Variants in DNAI1 observed in about 807,000 individuals in gnomAD.
DNAI1 encodes dynein axonemal intermediate chain 1, also known as dynein, axonemal, intermediate polypeptide 1.
DNAI1 carries 67 observed loss-of-function variants against 92.0 expected under a neutral mutation model. That is an observed-to-expected ratio of 0.73 (90% CI 0.60 to 0.89). The LOEUF (loss-of-function observed/expected upper bound fraction) is 0.89, where lower values mean the gene tolerates loss of function less well. Among genes scored for constraint, DNAI1 ranks in the 40% least tolerant of loss-of-function variants. The pLI is 0.00. For synonymous variants in DNAI1, 323 were observed against 319.6 expected (o/e 1.01, Z -0.11); for missense variants, 839 against 866.6 (o/e 0.97, Z 0.40).
chr9:34,514,616 G>A (rs780480109), intron 17 of DNAI1, 24 bp from the exon 18 acceptor site: 6 of 1,614,072 alleles, frequency 3.7e-6, no homozygotes, highest in South Asian at 3.3e-5. Flanking sequence ...TGTGCCATGG[G>A]CTTTCCACCC....
chr9:34,511,125 G>A (rs1452519076), intron 13 of DNAI1, among the ~76,000 whole-genome samples: 1 of 152,228 alleles, frequency 6.6e-6, no homozygotes. Context: ...ACAGGACGGT[G>A]GTCCCAGCAT....
At chr9:34,471,539 G>A (rs1824134641) in intron 1 of DNAI1, among the ~76,000 whole-genome samples, 1 of 152,116 alleles carries the variant, frequency 6.6e-6, no homozygotes, top group Admixed American at 6.6e-5. Context: ...GGAGGCCGAG[G>A]TGGGCGGATC....
At chr9:34,518,965 C>A (rs925066148) in intron 19 of DNAI1, among the ~76,000 whole-genome samples, 1 of 150,638 alleles carries the variant, frequency 6.6e-6, no homozygotes, top group Non-Finnish European at 1.5e-5. Flanking sequence ...CCACTCTGAT[C>A]CAGGGAGGTA....
intron 13 of DNAI1, among the ~76,000 whole-genome samples, chr9:34,509,789 G>T (rs1031056887): frequency 6.6e-6 from 1 of 151,996 alleles, no homozygotes; most frequent in African/African-American, 2.4e-5. Context: ...ATGCTGCCTG[G>T]GTTTGAGGTG....
At chr9:34,481,692 T>C (rs150041585) in intron 1 of DNAI1, among the ~76,000 whole-genome samples, 260 of 152,326 alleles carry the variant, frequency 1.7e-3, no homozygotes, top group African/African-American at 5.9e-3. Flanking sequence ...GCTGCAGACC[T>C]TCACGGTGAG....
At chr9:34,478,617 T>A (rs1215419800) in intron 1 of DNAI1, 1 of 152,216 alleles carries the variant, frequency 6.6e-6, no homozygotes, top group Non-Finnish European at 1.5e-5. Context: ...AATGGAAAAA[T>A]GCTCTGCTGT....
chr9:34,461,075 C>T (rs1364517909), intron 1 of DNAI1, among the ~76,000 whole-genome samples: 1 of 152,128 alleles, frequency 6.6e-6, no homozygotes, highest in Admixed American at 6.5e-5. Context: ...ATCTCCTGAC[C>T]TCGTGATCTG....
intron 1 of DNAI1, among the ~76,000 whole-genome samples, chr9:34,467,603 C>T (rs1824062065): frequency 1.3e-5 from 2 of 152,102 alleles, no homozygotes. Context: ...CACTGCACTC[C>T]AGCATGGGCA....
In DNAI1 at chr9:34,458,834, G is replaced by C. The variant is rs927687791; in HGVS notation, c.-172G>C. The C allele has an allele frequency of 4.3e-6, 3 of 692,386 alleles. No individual in the cohort carries two copies. The African/African-American group carries it at 5.3e-5, about 12-fold the overall frequency. The allele number at this position is 692,386 out of a possible 1,614,324, so 42.9% of individuals were successfully genotyped here. A position where few individuals can be genotyped will look rare whatever the true frequency, so the allele number is the denominator to read the frequency against. ...GCTGGGTAACCGCGTCAGGGAGTTG[G>C]ATTCTATCCTGCAAGGGCACGGGGA... is the stretch of plus-strand genomic sequence containing the variant. On this transcript the variant is annotated 5_prime_UTR_variant, in exon 1 of 20. Transcript: ENST00000242317. This position sits in a 1 kb window ranked among gnomAD's most constrained non-coding sequence, Gnocchi z 6.6.
rs2132075849 is a variant in DNAI1, at chr9:34,505,533, C to T, written c.1064-1094C>T. 1.3e-5 allele frequency among the ~76,000 whole-genome samples: 2 copies of T among 152,264 alleles called. 1 individual carries two copies. The highest frequency in any genetic ancestry group is 3.9e-4 in the East Asian group (2 of 5,192). On this transcript the variant is annotated intron_variant, in intron 12 of 19. Transcript: ENST00000242317. ...CAGGCTCAGGGGATTAGGATATGGA[C>T]ATCTTTGCAGGGGGGCCTTATTCTG...
intron 9 of DNAI1, among the ~76,000 whole-genome samples, chr9:34,496,005 A>C (rs1348066844): frequency 6.6e-6 from 1 of 151,988 alleles, no homozygotes. Context: ...TGACTTCATA[A>C]CCCTTCGCTG....
chr9:34,490,501 C>T lies in DNAI1; in HGVS notation c.621+13C>T. 6.2e-7 allele frequency: 1 copy of T among 1,613,804 alleles called. No homozygotes were observed. Among genetic ancestry groups the T allele is most frequent in the Non-Finnish European group, 8.5e-7 (1 of 1,180,042 alleles). On this transcript the variant is annotated intron_variant, in intron 7 of 19. Transcript: ENST00000242317. ...CAACCCTGTCCGGGTAGAGCAGCCC[C>T]CACCCTAGCCCCTTTGCAGCTCTTC...
chr9:34,514,975 T>G (rs1432793577), intron 18 of DNAI1, among the ~76,000 whole-genome samples: 1 of 152,198 alleles, frequency 6.6e-6, no homozygotes, highest in Non-Finnish European at 1.5e-5. Context: ...GAAAGCACTC[T>G]GGGGGATGAG....
Position 34,500,859 on chromosome 9 carries a change from C to A in DNAI1, c.1019+20C>A. On this transcript the variant is annotated intron_variant, in intron 11 of 19. Coordinates refer to ENST00000242317, the MANE Select transcript of DNAI1 (RefSeq NM_012144.4). ...CTGCTGGTAAGTATAGGCATTGCAGCAAATGCAGAGCCCCTGAGTGCCCTC... is the reference window on the plus strand; with the variant it reads ...CTGCTGGTAAGTATAGGCATTGCAGAAAATGCAGAGCCCCTGAGTGCCCTC... 4 of 1,590,120 alleles carry A rather than the reference C, an allele frequency of 2.5e-6. No homozygotes were observed. The highest frequency in any genetic ancestry group is 3.5e-6 in the Non-Finnish European group (4 of 1,158,420).
At chr9:34,509,327 G>A (rs1399405103) in intron 13 of DNAI1, among the ~76,000 whole-genome samples, 1 of 152,148 alleles carries the variant, frequency 6.6e-6, no homozygotes, top group African/African-American at 2.4e-5. Flanking sequence ...GTTGGGAAGT[G>A]ACACGTCATT....
intron 12 of DNAI1, among the ~76,000 whole-genome samples, chr9:34,502,057 A>G (rs1437623157): frequency 6.6e-6 from 1 of 152,168 alleles, no homozygotes; most frequent in African/African-American, 2.4e-5. Flanking sequence ...GCTTCTGCAA[A>G]CACAAAAACC....
At chr9:34,491,668 C>G (rs757123097) in intron 8 of DNAI1, 114 bp downstream of exon 8, 1 of 1,119,156 alleles carries the variant, frequency 8.9e-7, no homozygotes, top group Non-Finnish European at 1.3e-6. Context: ...CTGCCCTCCT[C>G]ATCTACTTGC....
chr9:34,518,009 C>T (rs892088333), intron 19 of DNAI1, among the ~76,000 whole-genome samples: 6 of 152,202 alleles, frequency 3.9e-5, no homozygotes, highest in African/African-American at 1.4e-4. Context: ...GAGACCCTGC[C>T]CAGAGGCCAA....
intron 1 of DNAI1, among the ~76,000 whole-genome samples, chr9:34,475,903 C>A (rs1464617961): frequency 6.6e-6 from 1 of 152,092 alleles, no homozygotes; most frequent in Non-Finnish European, 1.5e-5. Flanking sequence ...CTAAAATACG[C>A]TCAGGGACAA....
Sources: allele counts gnomAD v4.1 joint callset (sites outside exome capture counted in the v4.1 genomes callset), GRCh38; gene constraint gnomAD v4.1.1; non-coding constraint Gnocchi (gnomAD v3.1); transcripts MANE v1.5; gene names NCBI Gene and HGNC (gene_info 2026-07-23, HGNC 2026-07-21).